The following TGM6 variants were observed in gnomAD, a reference collection of about 807,000 sequenced individuals.
The protein encoded by TGM6 is protein-glutamine gamma-glutamyltransferase 6.
A neutral mutation model predicts 77.5 loss-of-function variants in TGM6; 74 were observed. The ratio of observed to expected loss-of-function variants is 0.96; its 90% CI spans 0.79 to 1.16. TGM6 has a LOEUF of 1.16. TGM6 is among the 50% of genes most tolerant of loss of function. The probability of loss-of-function intolerance (pLI) is 0.00; values close to 1 mark genes in which losing one functional copy is unlikely to be tolerated. For missense variants in TGM6, 968 were observed against 940.2 expected (o/e 1.03, Z -0.39); for synonymous variants, 383 against 378.9 (o/e 1.01, Z -0.12).
At chr20:2,407,280 T>C (rs1471918995) in intron 9 of TGM6, among the ~76,000 whole-genome samples, 1 of 152,222 alleles carries the variant, frequency 6.6e-6, no homozygotes, top group Non-Finnish European at 1.5e-5. Flanking sequence ...CTAAGCAAAA[T>C]GGTAAGCAAT....
At chr20:2,427,652 T>G (rs1027881056) in intron 10 of TGM6, among the ~76,000 whole-genome samples, 1 of 152,224 alleles carries the variant, frequency 6.6e-6, no homozygotes, top group Non-Finnish European at 1.5e-5. Context: ...ATTTAGATCC[T>G]TCTTCTTTTC....
chr20:2,430,775 G>A (rs969895843), intron 11 of TGM6, 119 bp from the exon 12 acceptor site: 23 of 1,593,618 alleles, frequency 1.4e-5, no homozygotes, highest in Non-Finnish European at 2.0e-5. Context: ...TCAGCAATGG[G>A]GTATATGGAG....
At chr20:2,420,210 A>C (rs1294053776) in intron 10 of TGM6, among the ~76,000 whole-genome samples, 1 of 152,160 alleles carries the variant, frequency 6.6e-6, no homozygotes, top group African/African-American at 2.4e-5. Context: ...GCGCCACTGC[A>C]CTCCAGCCTG....
At chr20:2,408,283 G>A (rs1382154252) in intron 9 of TGM6, among the ~76,000 whole-genome samples, 1 of 152,174 alleles carries the variant, frequency 6.6e-6, no homozygotes, top group East Asian at 1.9e-4. Flanking sequence ...CAAAGATTCA[G>A]AGCCCCTGGG....
chr20:2,407,249 A>C (rs1249730919), intron 9 of TGM6, among the ~76,000 whole-genome samples: 1 of 152,248 alleles, frequency 6.6e-6, no homozygotes, highest in African/African-American at 2.4e-5. Flanking sequence ...CAAAAATAAT[A>C]GTAACAGTAT....
At chr20:2,389,185 G>C (rs2084615110) in intron 1 of TGM6, among the ~76,000 whole-genome samples, 1 of 152,124 alleles carries the variant, frequency 6.6e-6, no homozygotes. Flanking sequence ...GGGAAACTAA[G>C]CACCATGCCA....
chr20:2,426,499 A>T lies in TGM6; in HGVS notation c.1679-3947A>T, dbSNP rs890682607. 3.3e-5 allele frequency among the ~76,000 whole-genome samples: 5 copies of T among 152,168 alleles called. No homozygotes were observed. In the East Asian group the frequency reaches 5.8e-4, roughly 18 times the overall value. On this transcript the variant is annotated intron_variant, in intron 10 of 12. Coordinates refer to ENST00000202625, the MANE Select transcript of TGM6 (RefSeq NM_198994.3). ...ATTTCTTCCTTCCCAATCTGTATAC[A>T]TTTTATTTCCTTGTTTTATCTTATT...
rs528448168 is a variant in TGM6 at position 2,417,139 on chromosome 20, T to C, written c.1337-93T>C. The C allele has an allele frequency of 4.1e-5, 47 of 1,156,412 alleles. No individual in the cohort carries two copies. In the East Asian group the frequency reaches 1.0e-3, roughly 25 times the overall value. 71.6% of individuals were successfully genotyped at this position (1,156,412 alleles called of 1,614,324 possible). ...AAGGCATGTGGCGCCGGTGTGCATA[T>C]GGCTCTTGAACTGCCAGTTTGACTT... On this transcript the variant is annotated intron_variant, in intron 9 of 12. Coordinates refer to ENST00000202625, the MANE Select transcript of TGM6 (RefSeq NM_198994.3).
intron 3 of TGM6, 83 bp from the exon 4 acceptor site, chr20:2,396,423 C>A: frequency 1.4e-6 from 2 of 1,401,866 alleles, no homozygotes; most frequent in East Asian, 4.6e-5. Context: ...CGCTGCCCTG[C>A]TGCTGATCCC....
chr20:2,432,367 C>A, intron 12 of TGM6, 123 bp from the exon 13 acceptor site: 3 of 1,282,244 alleles, frequency 2.3e-6, no homozygotes, highest in Non-Finnish European at 2.2e-6. Flanking sequence ...GTTGATAAGG[C>A]TTGAATGTCA....
At chr20:2,392,965 CCCCCAGAGG>C (rs914262836) in intron 1 of TGM6, among the ~76,000 whole-genome samples, 1 of 152,146 alleles carries the variant, frequency 6.6e-6, no homozygotes, top group African/African-American at 2.4e-5. Context: ...ATGTCAGCTG[CCCCCAGAGG>C]ACCTCCTCAT....
At chr20:2,397,843 G>C (rs951751748) in intron 4 of TGM6, 75 bp from the exon 5 acceptor site, 4 of 1,612,494 alleles carry the variant, frequency 2.5e-6, no homozygotes, top group Admixed American at 1.7e-5. Context: ...GTGACTGACC[G>C]GGTGAGGGCT....
At chr20:2,430,338 C>T in intron 10 of TGM6, 108 bp from the exon 11 acceptor site, 1 of 1,435,998 alleles carries the variant, frequency 7.0e-7, no homozygotes, top group Non-Finnish European at 9.8e-7. Context: ...AGAATGGTTG[C>T]AAGGACCAGA....
At chr20:2,389,515 T>G (rs2122333350) in intron 1 of TGM6, among the ~76,000 whole-genome samples, 1 of 152,264 alleles carries the variant, frequency 6.6e-6, no homozygotes, top group Non-Finnish European at 1.5e-5. Context: ...AATAGATGAG[T>G]AAAACATCAA....
chr20:2,396,353 A>G (rs1469282648), intron 3 of TGM6, among the ~76,000 whole-genome samples, 153 bp from the exon 4 acceptor site: 1 of 151,948 alleles, frequency 6.6e-6, no homozygotes, highest in Non-Finnish European at 1.5e-5. Flanking sequence ...TTTGGCAGGG[A>G]GGCAGCACGG....
chr20:2,407,791 G>A (rs577182657), intron 9 of TGM6, among the ~76,000 whole-genome samples: 3 of 152,272 alleles, frequency 2.0e-5, no homozygotes, highest in South Asian at 4.1e-4. Flanking sequence ...GCCTTGGTGT[G>A]CCATACAGCA....
At chr20:2,401,302 G>C (rs1206381194) in intron 7 of TGM6, among the ~76,000 whole-genome samples, 1 of 152,190 alleles carries the variant, frequency 6.6e-6, no homozygotes, top group Non-Finnish European at 1.5e-5. Context: ...ATGGGTTGCA[G>C]TGATGTCTCC....
Position 2,400,356 on chromosome 20 carries a change from G to A in TGM6, c.901G>A (p.Ala301Thr), listed in dbSNP as rs779620233. 73 of 1,614,082 alleles carry A rather than the reference G, an allele frequency of 4.5e-5. No homozygotes were observed. The highest frequency in any genetic ancestry group is 6.1e-5 in the Non-Finnish European group (72 of 1,180,046). The change falls in exon 7 of 13, where the codon GCC becomes ACC. Residue 301 changes from alanine (A) to threonine (T), a missense_variant. Ala to Thr is a moderately conservative substitution (Grantham distance 58). Coordinates refer to ENST00000202625, the MANE Select transcript of TGM6 (RefSeq NM_198994.3). ...ACGGGTCGTGTCCAACTTCAACTCAGCCCACGACACAGACCAGAACCTGAG... is the reference window on the plus strand; with the variant it reads ...ACGGGTCGTGTCCAACTTCAACTCAACCCACGACACAGACCAGAACCTGAG... ...ATRVVSNFNSAHDTDQNLSVD... is the reference protein window; with the variant it reads ...ATRVVSNFNSTHDTDQNLSVD...
At chr20:2,383,043 G>A (rs762549978) in intron 1 of TGM6, among the ~76,000 whole-genome samples, 2 of 152,192 alleles carry the variant, frequency 1.3e-5, no homozygotes, top group African/African-American at 2.4e-5. Context: ...GCCTCCTGGT[G>A]AAAGAGAGGC....
Sources: allele counts gnomAD v4.1 joint callset (sites outside exome capture counted in the v4.1 genomes callset), GRCh38; gene constraint gnomAD v4.1.1; transcripts MANE v1.5; gene names NCBI Gene and HGNC (gene_info 2026-07-23, HGNC 2026-07-21).